Variants in SLC24A2 observed in about 807,000 individuals in gnomAD.
The protein encoded by SLC24A2 is sodium/potassium/calcium exchanger 2.
In SLC24A2, 36 loss-of-function variants were observed where a neutral mutation model predicts 62.0. The ratio of observed to expected loss-of-function variants is 0.58; its 90% confidence interval spans 0.44 to 0.77. SLC24A2 has a LOEUF of 0.77. SLC24A2 is among the 30% of genes least tolerant of loss of function. The pLI is 0.00. For missense variants in SLC24A2, 846 were observed against 817.9 expected (o/e 1.03, Z -0.42); for synonymous variants, 358 against 294.0 (o/e 1.22, Z -2.23).
At chr9:20,166,731 T>C in the SLC24A2 span, among the ~76,000 whole-genome samples, 3 of 152,002 alleles carry the variant, frequency 2.0e-5, no homozygotes, top group Non-Finnish European at 4.4e-5. Flanking sequence ...GGATATACTT[T>C]TATGTATGGT....
rs1472192176 is a variant in SLC24A2, at chr9:19,786,977, A to T, written c.-111T>A. ...ACGATGCTTGTGGGGTACTTTCACA[A>T]TCAGGGATTGTTATGCTTCACAGGA... On this transcript the variant is annotated 5_prime_UTR_variant, in exon 2 of 11. The change creates a new upstream start codon in the 5' untranslated region. Transcript: ENST00000341998. The surrounding 1 kb of genome is among the most constrained non-coding windows in gnomAD (Gnocchi z 5.0). 3.4e-6 allele frequency: 5 copies of T among 1,488,276 alleles called. No individual in the cohort carries two copies. The African/African-American group carries it at 4.2e-5, about 12-fold the overall frequency. The allele number at this position is 1,488,276 out of a possible 1,614,324, so 92.2% of individuals were successfully genotyped here. A position where few individuals can be genotyped will look rare whatever the true frequency, so the allele number is the denominator to read the frequency against.
chr9:19,821,919 A>G, the SLC24A2 span, among the ~76,000 whole-genome samples: 1 of 152,268 alleles, frequency 6.6e-6, no homozygotes, highest in East Asian at 1.9e-4. Context: ...GAAAATATAC[A>G]GGACTGTTAA....
intron 2 of SLC24A2, among the ~76,000 whole-genome samples, chr9:19,752,663 A>G (rs566007927): frequency 6.6e-6 from 1 of 150,928 alleles, no homozygotes; most frequent in Admixed American, 6.6e-5. Flanking sequence ...AGGAAGAAAT[A>G]AAGAGTCTGC....
the SLC24A2 span, among the ~76,000 whole-genome samples, chr9:20,223,760 G>C: frequency 6.6e-6 from 1 of 152,048 alleles, no homozygotes; most frequent in Non-Finnish European, 1.5e-5. Context: ...AATGGTGCTA[G>C]AATAATTGGT....
the SLC24A2 span, among the ~76,000 whole-genome samples, chr9:20,130,292 T>C: frequency 1.3e-5 from 2 of 150,074 alleles, no homozygotes; most frequent in African/African-American, 4.9e-5. Context: ...AAGAAATAAA[T>C]GAATGAAATA....
chr9:19,636,384 T>TCC (rs1554690436), intron 2 of SLC24A2, among the ~76,000 whole-genome samples: 2,928 of 27,372 alleles, frequency 0.11, 148 homozygotes, highest in East Asian at 0.16. Context: ...TCTTTCTTTC[T>TCC]TTCTCCCTCT....
At chr9:20,238,393 A>G in the SLC24A2 span, among the ~76,000 whole-genome samples, 2 of 152,162 alleles carry the variant, frequency 1.3e-5, no homozygotes, top group African/African-American at 2.4e-5. Flanking sequence ...AGCAACATTT[A>G]AATTTCCTTT....
intron 5 of SLC24A2, among the ~76,000 whole-genome samples, chr9:19,585,288 C>T (rs1015140181): frequency 2.0e-5 from 3 of 151,964 alleles, no homozygotes; most frequent in African/African-American, 4.8e-5. Flanking sequence ...ATTCTGTGGG[C>T]CCATTATTTA....
In SLC24A2 at chr9:19,550,230, G is replaced by C. The variant is rs1170288373; in HGVS notation, c.1386C>G (p.Ala462=). The change falls in exon 8 of 11, where the codon GCC becomes GCG. Residue 462 remains alanine, a synonymous_variant. Coordinates refer to ENST00000341998, the MANE Select transcript of SLC24A2 (RefSeq NM_020344.4). ...CTTGCTTGCGGGTTTCAGAAGGCCA[G>C]GCAAGGCTGAGAGGCTGGTCCTCCT... is the stretch of plus-strand genomic sequence containing the variant. The part of the protein sequence containing the change: ...DEEEDQPLSL[A]WPSETRKQVT... 2 of 1,614,156 alleles carry C rather than the reference G, an allele frequency of 1.2e-6. No individual in the cohort carries two copies. The highest frequency in any genetic ancestry group is 2.2e-5 in the South Asian group (2 of 91,084).
the SLC24A2 span, among the ~76,000 whole-genome samples, chr9:20,255,096 A>G: frequency 6.6e-6 from 1 of 152,206 alleles, no homozygotes; most frequent in Non-Finnish European, 1.5e-5. Flanking sequence ...GCCAAACCAT[A>G]TCATGAGTTG....
chr9:19,673,131 A>T (rs1271167351), intron 2 of SLC24A2, among the ~76,000 whole-genome samples: 1 of 146,306 alleles, frequency 6.8e-6, no homozygotes, highest in Non-Finnish European at 1.5e-5. Context: ...CTGTCAGAGG[A>T]GTATTGAAGT....
chr9:20,156,261 T>A, the SLC24A2 span, among the ~76,000 whole-genome samples: 1 of 151,942 alleles, frequency 6.6e-6, no homozygotes, highest in South Asian at 2.1e-4. Flanking sequence ...TATTCCTAGA[T>A]GACCTAATTA....
the SLC24A2 span, among the ~76,000 whole-genome samples, chr9:20,015,243 T>A: frequency 1.3e-5 from 2 of 152,136 alleles, no homozygotes; most frequent in Admixed American, 1.3e-4. Context: ...AAAGGAAAGA[T>A]GTACATAAAG....
chr9:19,876,284 T>A, the SLC24A2 span, among the ~76,000 whole-genome samples: 7 of 152,092 alleles, frequency 4.6e-5, no homozygotes, highest in African/African-American at 1.7e-4. Context: ...TACAACAGTA[T>A]CCCATGCCAT....
the SLC24A2 span, among the ~76,000 whole-genome samples, chr9:20,176,314 T>C: frequency 7.1e-4 from 108 of 152,214 alleles, no homozygotes; most frequent in African/African-American, 2.5e-3. Context: ...TCAAATGATT[T>C]ATGATTTATA....
At chr9:20,213,263 TA>T in the SLC24A2 span, among the ~76,000 whole-genome samples, 1 of 151,812 alleles carries the variant, frequency 6.6e-6, no homozygotes, top group Admixed American at 6.6e-5. Context: ...AAAGAAAAAG[TA>T]AAAACTGGAT....
intron 4 of SLC24A2, among the ~76,000 whole-genome samples, chr9:19,601,109 G>A (rs1836829189): frequency 6.6e-6 from 1 of 152,042 alleles, no homozygotes; most frequent in East Asian, 1.9e-4. Context: ...CAAGGGGATT[G>A]TAAAACACAC....
At chr9:20,040,014 A>G in the SLC24A2 span, among the ~76,000 whole-genome samples, 2 of 152,212 alleles carry the variant, frequency 1.3e-5, no homozygotes, top group Non-Finnish European at 2.9e-5. Context: ...GTAACTAAAC[A>G]CTAACTTTTG....
At chr9:19,798,154 G>C in the SLC24A2 span, among the ~76,000 whole-genome samples, 1 of 151,990 alleles carries the variant, frequency 6.6e-6, no homozygotes, top group Non-Finnish European at 1.5e-5. Flanking sequence ...CTTGAAGTAT[G>C]TTTTATCTAA....
Sources: gnomAD v4.1 joint callset for allele counts (sites outside exome capture counted in the v4.1 genomes callset) on GRCh38, gnomAD v4.1.1 for gene constraint, Gnocchi (gnomAD v3.1) non-coding constraint, MANE v1.5 for transcripts, NCBI Gene and HGNC (gene_info 2026-07-23, HGNC 2026-07-21) for gene names.